The following PLEKHG1 variants were observed in gnomAD, a reference collection of about 807,000 sequenced individuals.
PLEKHG1 encodes the protein pleckstrin homology and RhoGEF domain containing G1, also known as pleckstrin homology domain-containing family G member 1.
PLEKHG1 carries 44 observed loss-of-function variants against 100.8 expected under a neutral mutation model. That is an observed-to-expected ratio of 0.44 (90% CI 0.34 to 0.56). The LOEUF is 0.56. Among genes scored for constraint, PLEKHG1 ranks in the 20% least tolerant of loss-of-function variants. PLEKHG1 has a pLI of 0.01. For missense variants in PLEKHG1, 1,545 were observed against 1,720.9 expected (o/e 0.90, Z 1.81); for synonymous variants, 640 against 662.5 (o/e 0.97, Z 0.52).
At chr6:150,644,781 C>T (rs1312917126) in intron 2 of PLEKHG1, among the ~76,000 whole-genome samples, 1 of 152,038 alleles carries the variant, frequency 6.6e-6, no homozygotes, top group African/African-American at 2.4e-5. Context: ...CCTAGAAATA[C>T]ATCTAGTGAA....
chr6:150,831,297 A>T lies in PLEKHG1; in HGVS notation c.2186A>T (p.Gln729Leu), dbSNP rs200967817. 1,300 of 1,614,174 alleles carry T rather than the reference A, an allele frequency of 8.1e-4. 15 individuals are homozygous for T. The South Asian group carries it at 0.011, about 14-fold the overall frequency. ...CTCTCAGGTGGAGAGGCATCCAGCC[A>T]AAGCACGCATGAACTCCAAGCGGTT... is the stretch of plus-strand genomic sequence containing the variant. The change falls in exon 15 of 16, where the codon CAA becomes CTA. Residue 729 changes from glutamine (Q) to leucine (L), a missense_variant. Physicochemically the swap from Gln to Leu is moderately radical, Grantham distance 113. Coordinates refer to ENST00000358517, the Ensembl canonical transcript of PLEKHG1. This position sits in a 1 kb window ranked among gnomAD's most constrained non-coding sequence, Gnocchi z 4.1.
At chr6:150,748,552 C>G (rs1783296763) in intron 2 of PLEKHG1, among the ~76,000 whole-genome samples, 2 of 151,680 alleles carry the variant, frequency 1.3e-5, no homozygotes, top group South Asian at 4.2e-4. Flanking sequence ...AAATGGAGAT[C>G]CAGAGATGCC....
At chr6:150,637,865 TAG>T (rs1485211998) in intron 1 of PLEKHG1, among the ~76,000 whole-genome samples, 1 of 152,224 alleles carries the variant, frequency 6.6e-6, no homozygotes, top group East Asian at 1.9e-4. Context: ...AGAAATCGAG[TAG>T]GTGGATTTTA....
At chr6:150,793,099 T>G (rs1488193909) in intron 4 of PLEKHG1, among the ~76,000 whole-genome samples, 1 of 152,156 alleles carries the variant, frequency 6.6e-6, no homozygotes, top group African/African-American at 2.4e-5. Flanking sequence ...ATACATTATT[T>G]TGAAAATTAA....
intron 3 of PLEKHG1, among the ~76,000 whole-genome samples, chr6:150,705,625 T>G (rs369546811): frequency 2.6e-5 from 4 of 152,362 alleles, no homozygotes; most frequent in African/African-American, 9.6e-5. Flanking sequence ...TGGAGTAGCT[T>G]TTTCCCTGGG....
Position 150,828,993 on chromosome 6 carries a change from T to C in PLEKHG1, c.1471-1589T>C, listed in dbSNP as rs571433955. ...GCTAATTGAATTGCTTAAGTTTTAA[T>C]AGAAAAATAACATTTAGGATGAAAT... is the stretch of plus-strand genomic sequence containing the variant. On this transcript the variant is annotated intron_variant, in intron 14 of 15. Transcript: ENST00000358517. 2.4e-4 allele frequency among the ~76,000 whole-genome samples: 36 copies of C among 152,320 alleles called. No individual in the cohort carries two copies. The South Asian group carries it at 7.2e-3, about 31-fold the overall frequency.
At chr6:150,695,074 CCT>C (rs1257175081) in intron 3 of PLEKHG1, among the ~76,000 whole-genome samples, 3 of 152,126 alleles carry the variant, frequency 2.0e-5, no homozygotes, top group Non-Finnish European at 4.4e-5. Flanking sequence ...TATCATAGTT[CCT>C]GTTATGTTTC....
chr6:150,758,336 CTTT>C (rs58766862), intron 2 of PLEKHG1, among the ~76,000 whole-genome samples: 2 of 142,014 alleles, frequency 1.4e-5, no homozygotes, highest in Admixed American at 7.0e-5. Flanking sequence ...TGTTTCTTGA[CTTT>C]TTTTTTTTTT....
intron 3 of PLEKHG1, among the ~76,000 whole-genome samples, chr6:150,659,131 G>C (rs528765750): frequency 6.6e-6 from 1 of 150,580 alleles, no homozygotes; most frequent in East Asian, 1.9e-4. Context: ...GTTGGGACTG[G>C]GTTCTCTCTC....
intron 15 of PLEKHG1, among the ~76,000 whole-genome samples, chr6:150,833,450 T>C (rs1777066365): frequency 6.6e-6 from 1 of 152,272 alleles, no homozygotes; most frequent in Admixed American, 6.5e-5. Flanking sequence ...TTAGTTAGAC[T>C]CCTTTGTGGA....
intron 3 of PLEKHG1, among the ~76,000 whole-genome samples, chr6:150,706,875 T>C (rs1781028163): frequency 6.6e-6 from 1 of 151,774 alleles, no homozygotes; most frequent in East Asian, 1.9e-4. Context: ...CGTGATGAAT[T>C]TTTCCCCACC....
intron 3 of PLEKHG1, among the ~76,000 whole-genome samples, chr6:150,702,743 T>TAACCACCAATAACAA (rs1780850025): frequency 6.6e-6 from 1 of 152,172 alleles, no homozygotes; most frequent in South Asian, 2.1e-4. Flanking sequence ...ACCCCGAAGA[T>TAACCACCAATAACAA]AACCACCAAT....
In PLEKHG1 at chr6:150,683,693, A is replaced by G. The variant is rs1267777370; in HGVS notation, c.-99+32907A>G. ...ACAGAGTGTTCAATGATGCTGTTCA[A>G]CTTGAACCCTGAGTTGACACACGGA... On this transcript the variant is annotated intron_variant, in intron 3 of 3. Coordinates refer to the PLEKHG1 transcript ENST00000367326. This position sits in a 1 kb window ranked among gnomAD's most constrained non-coding sequence, Gnocchi z 4.0. 7.0e-6 allele frequency: 6 copies of G among 853,902 alleles called. No individual in the cohort carries two copies. The African/African-American group carries it at 8.9e-5, about 13-fold the overall frequency. 52.9% of individuals were successfully genotyped at this position (853,902 alleles called of 1,614,324 possible).
At chr6:150,836,326 C>T (rs879437935) in intron 15 of PLEKHG1, among the ~76,000 whole-genome samples, 1 of 151,928 alleles carries the variant, frequency 6.6e-6, no homozygotes, top group Non-Finnish European at 1.5e-5. Flanking sequence ...TGCAGAGAGC[C>T]GAGATTGCGC....
intron 3 of PLEKHG1, among the ~76,000 whole-genome samples, chr6:150,775,353 A>G (rs1784908139): frequency 6.6e-6 from 1 of 152,212 alleles, no homozygotes; most frequent in Non-Finnish European, 1.5e-5. Context: ...ATTCCTCCAT[A>G]TTGAATGTCT....
At chr6:150,723,181 T>C (rs181928634) in intron 1 of PLEKHG1, among the ~76,000 whole-genome samples, 1 of 152,190 alleles carries the variant, frequency 6.6e-6, no homozygotes, top group Admixed American at 6.5e-5. Flanking sequence ...CTTGGAGAAG[T>C]CACCTAGTCC....
At chr6:150,660,788 GT>G (rs1304924528) in intron 3 of PLEKHG1, among the ~76,000 whole-genome samples, 5 of 152,194 alleles carry the variant, frequency 3.3e-5, no homozygotes, top group Non-Finnish European at 7.4e-5. Context: ...CTGCCAACGT[GT>G]GTGTTTTATC....
intron 1 of PLEKHG1, among the ~76,000 whole-genome samples, chr6:150,604,704 C>T (rs185866179): frequency 3.9e-5 from 6 of 152,266 alleles, no homozygotes; most frequent in Admixed American, 1.3e-4. Context: ...TTTATCTTTG[C>T]CCTGGGGCTA....
intron 4 of PLEKHG1, among the ~76,000 whole-genome samples, chr6:150,786,990 A>G (rs1785661766): frequency 6.8e-6 from 1 of 146,852 alleles, no homozygotes. Flanking sequence ...AGATAACGCC[A>G]TTGCACTCCA....
Sources: gnomAD v4.1 joint callset for allele counts (sites outside exome capture counted in the v4.1 genomes callset) on GRCh38, gnomAD v4.1.1 for gene constraint, Gnocchi (gnomAD v3.1) non-coding constraint, MANE v1.5 for transcripts, NCBI Gene and HGNC (gene_info 2026-07-23, HGNC 2026-07-21) for gene names.